The following ATG5 variants were observed in gnomAD, a reference collection of about 807,000 sequenced individuals.
The protein encoded by ATG5 is autophagy related 5, also known as autophagy protein 5.
In ATG5, 14 loss-of-function variants were observed where a neutral mutation model predicts 36.5. That is an observed-to-expected ratio of 0.38 (90% CI 0.25 to 0.60). The LOEUF (loss-of-function observed/expected upper bound fraction) is 0.60, where lower values mean the gene tolerates loss of function less well. Among genes scored for constraint, ATG5 ranks in the 20% least tolerant of loss-of-function variants. The pLI, the probability that ATG5 is intolerant of heterozygous loss-of-function variation, is 0.60. For synonymous variants in ATG5, 95 were observed against 101.5 expected (o/e 0.94, Z 0.38); for missense variants, 195 against 326.7 (o/e 0.60, Z 3.11).
chr6:106,225,520 C>T (rs1001242354), intron 6 of ATG5, among the ~76,000 whole-genome samples: 6 of 151,722 alleles, frequency 4.0e-5, no homozygotes, highest in African/African-American at 1.5e-4. Context: ...TATTCTCTTC[C>T]CCAAATTTCA....
chr6:106,235,792 C>T (rs1036480245), intron 6 of ATG5, among the ~76,000 whole-genome samples: 7 of 151,112 alleles, frequency 4.6e-5, no homozygotes, highest in Admixed American at 2.0e-4. Flanking sequence ...TCTGTCTTCA[C>T]TCTATTAAAT....
chr6:106,291,242 A>G (rs1474694315), intron 4 of ATG5, among the ~76,000 whole-genome samples: 1 of 152,240 alleles, frequency 6.6e-6, no homozygotes, highest in Non-Finnish European at 1.5e-5. Flanking sequence ...TTAAGAGTCA[A>G]AATTAATAAT....
At chr6:106,255,127 G>A (rs1359310376) in intron 5 of ATG5, among the ~76,000 whole-genome samples, 1 of 152,148 alleles carries the variant, frequency 6.6e-6, no homozygotes, top group Non-Finnish European at 1.5e-5. Flanking sequence ...GTAACGGTGG[G>A]AATAAGAATG....
At chr6:106,268,764 A>G (rs1425345287) in intron 5 of ATG5, among the ~76,000 whole-genome samples, 2 of 152,172 alleles carry the variant, frequency 1.3e-5, no homozygotes, top group African/African-American at 4.8e-5. Flanking sequence ...TCCTCGGCAA[A>G]CTAACACAGG....
intron 3 of ATG5, among the ~76,000 whole-genome samples, chr6:106,297,231 CAT>C (rs1554223851): frequency 6.6e-6 from 1 of 152,060 alleles, no homozygotes; most frequent in Non-Finnish European, 1.5e-5. Flanking sequence ...ACTAAAAGAA[CAT>C]GTGACAATAT....
chr6:106,200,104 G>A (rs560131049), intron 7 of ATG5, among the ~76,000 whole-genome samples: 1 of 152,112 alleles, frequency 6.6e-6, no homozygotes, highest in Admixed American at 6.5e-5. Context: ...CATACATGTA[G>A]GAATGCTAGT....
chr6:106,279,832 G>T lies in ATG5; in HGVS notation c.316-9C>A. 6.8e-7 allele frequency: 1 copy of T among 1,462,226 alleles called. No homozygotes were observed. The highest frequency in any genetic ancestry group is 2.3e-5 in the Admixed American group (1 of 42,874). The allele number at this position is 1,462,226 out of a possible 1,614,324, so 90.6% of individuals were successfully genotyped here. A position where few individuals can be genotyped will look rare whatever the true frequency, so the allele number is the denominator to read the frequency against. On this transcript the variant is annotated splice_polypyrimidine_tract_variant and intron_variant, in intron 4 of 7. Coordinates refer to ENST00000369076, the MANE Select transcript of ATG5 (RefSeq NM_004849.4). ...TCTTTTTCTGGAAAACTCTATCAAA[G>T]GAAAAAATATACATATAAAACAGGA...
chr6:106,273,479 T>TG (rs1380514169), intron 5 of ATG5, among the ~76,000 whole-genome samples: 1 of 152,206 alleles, frequency 6.6e-6, no homozygotes, highest in Non-Finnish European at 1.5e-5. Context: ...TTAAGGTGTA[T>TG]GTGATTATTG....
At chr6:106,243,302 C>T (rs1582599769) in intron 6 of ATG5, among the ~76,000 whole-genome samples, 2 of 152,176 alleles carry the variant, frequency 1.3e-5, no homozygotes, top group Non-Finnish European at 2.9e-5. Flanking sequence ...GTAAACAAAA[C>T]GAAGTTCAAA....
intron 7 of ATG5, among the ~76,000 whole-genome samples, chr6:106,188,901 T>A (rs773673265): frequency 1.3e-5 from 2 of 152,212 alleles, no homozygotes; most frequent in Non-Finnish European, 2.9e-5. Flanking sequence ...CACCGGCATT[T>A]ATGTATTTTG....
At chr6:106,317,813 T>C (rs1770911156) in intron 1 of ATG5, among the ~76,000 whole-genome samples, 1 of 152,242 alleles carries the variant, frequency 6.6e-6, no homozygotes, top group Admixed American at 6.5e-5. Context: ...CACTACGTCC[T>C]GATTACATTA....
chr6:106,199,890 C>G (rs940257430), intron 7 of ATG5, among the ~76,000 whole-genome samples: 4 of 152,114 alleles, frequency 2.6e-5, no homozygotes, highest in Non-Finnish European at 5.9e-5. Context: ...TGTAAGACAT[C>G]ATCAGAAACC....
chr6:106,316,334 G>T, intron 1 of ATG5, 68 bp from the exon 2 acceptor site: 2 of 481,046 alleles, frequency 4.2e-6, no homozygotes, highest in East Asian at 3.7e-5. Flanking sequence ...GAAAACAAAA[G>T]ATTATTTTAA....
intron 6 of ATG5, among the ~76,000 whole-genome samples, chr6:106,225,893 T>TA (rs1777434945): frequency 6.6e-6 from 1 of 151,996 alleles, no homozygotes; most frequent in Non-Finnish European, 1.5e-5. Context: ...ACCAAAAAAT[T>TA]AAAAGAAAAA....
Position 106,308,346 on chromosome 6 carries a change from G to A in ATG5, c.236+18C>T. ...TAGTATATACTTAATGCTTAATAATGCAGAAAAATTCACTCACCATTTCAG... is the reference window on the plus strand; with the variant it reads ...TAGTATATACTTAATGCTTAATAATACAGAAAAATTCACTCACCATTTCAG... On this transcript the variant is annotated intron_variant, in intron 3 of 7. Coordinates refer to ENST00000369076, the MANE Select transcript of ATG5 (RefSeq NM_004849.4). 6.5e-7 allele frequency: 1 copy of A among 1,543,216 alleles called. No individual in the cohort carries two copies. Among genetic ancestry groups the A allele is most frequent in the Non-Finnish European group, 8.7e-7 (1 of 1,151,318 alleles).
chr6:106,315,968 T>C (rs1379285891), intron 2 of ATG5, 133 bp downstream of exon 2: 6 of 660,302 alleles, frequency 9.1e-6, no homozygotes, highest in African/African-American at 7.4e-5. Flanking sequence ...TTATCTGTGT[T>C]AATTTTTTTT....
At chr6:106,263,345 T>C (rs1485399382) in intron 5 of ATG5, among the ~76,000 whole-genome samples, 1 of 152,146 alleles carries the variant, frequency 6.6e-6, no homozygotes, top group Admixed American at 6.5e-5. Flanking sequence ...GCCCCACTCA[T>C]GGGCTAACAG....
chr6:106,297,868 C>A (rs1440008132), intron 3 of ATG5, among the ~76,000 whole-genome samples: 1 of 150,840 alleles, frequency 6.6e-6, no homozygotes, highest in South Asian at 2.1e-4. Context: ...CCCAGGAGTT[C>A]GACACTAGCC....
At chr6:106,323,167 G>A (rs956742380) in intron 1 of ATG5, among the ~76,000 whole-genome samples, 2 of 151,038 alleles carry the variant, frequency 1.3e-5, no homozygotes, top group African/African-American at 2.4e-5. Context: ...TCGGTCTCCT[G>A]ACCTCGTGAT....
Sources: gnomAD v4.1 joint callset for allele counts (sites outside exome capture counted in the v4.1 genomes callset) on GRCh38, gnomAD v4.1.1 for gene constraint, MANE v1.5 for transcripts, NCBI Gene and HGNC (gene_info 2026-07-23, HGNC 2026-07-21) for gene names.